LNPEP: variants seen among roughly 807,000 people sequenced by gnomAD.
The protein encoded by LNPEP is leucyl and cystinyl aminopeptidase.
Under a neutral mutation model 120.6 loss-of-function variants are expected in LNPEP, and 64 were observed. The ratio of observed to expected loss-of-function variants is 0.53; its 90% CI spans 0.43 to 0.65. LNPEP has a LOEUF of 0.65. Ranked by LOEUF, LNPEP falls within the 30% of genes least tolerant of loss-of-function variation. The pLI, the probability that LNPEP is intolerant of heterozygous loss-of-function variation, is 0.00. For synonymous variants in LNPEP, 435 were observed against 425.4 expected (o/e 1.02, Z -0.28); for missense variants, 1,057 against 1,200.0 (o/e 0.88, Z 1.76).
At chr5:97,014,551 A>G (rs186333787) in intron 12 of LNPEP, among the ~76,000 whole-genome samples, 109 of 147,178 alleles carry the variant, frequency 7.4e-4, no homozygotes, top group African/African-American at 2.9e-3. Flanking sequence ...AAACCAACAA[A>G]TAAAATTAAA....
At chr5:96,954,346 CT>C (rs1789389330) in intron 1 of LNPEP, among the ~76,000 whole-genome samples, 1 of 152,082 alleles carries the variant, frequency 6.6e-6, no homozygotes, top group Non-Finnish European at 1.5e-5. Context: ...GAAATACTTA[CT>C]GACATTATAG....
rs762636419 is a variant in LNPEP, at chr5:96,997,996, C to A, written c.1522-18C>A. 2 of 1,513,570 alleles carry A rather than the reference C, an allele frequency of 1.3e-6. No homozygotes were observed. Among genetic ancestry groups the A allele is most frequent in the East Asian group, 4.6e-5 (2 of 43,218 alleles). 93.8% of individuals were successfully genotyped at this position (1,513,570 alleles called of 1,614,324 possible). A position where few individuals can be genotyped will look rare whatever the true frequency, so the allele number is the denominator to read the frequency against. On this transcript the variant is annotated intron_variant, in intron 7 of 17. Coordinates refer to ENST00000231368, the MANE Select transcript of LNPEP (RefSeq NM_005575.3). ...TTGATACTACTTGTGATATTCTAAT[C>A]TTTTCATTTTTTGACAGTATGAAGA...
intron 7 of LNPEP, among the ~76,000 whole-genome samples, chr5:96,997,608 A>G (rs1790545299): frequency 6.6e-6 from 1 of 152,114 alleles, no homozygotes; most frequent in Non-Finnish European, 1.5e-5. Flanking sequence ...ATTCTAGACT[A>G]TATATAAGAA....
At chr5:97,008,820 A>G (rs1340568437) in intron 11 of LNPEP, among the ~76,000 whole-genome samples, 2 of 151,670 alleles carry the variant, frequency 1.3e-5, no homozygotes, top group Non-Finnish European at 2.9e-5. Flanking sequence ...GCCTGCCACC[A>G]TGCCCGGCTA....
chr5:96,952,020 G>T (rs1187551775), intron 1 of LNPEP, among the ~76,000 whole-genome samples: 5 of 151,582 alleles, frequency 3.3e-5, no homozygotes, highest in Admixed American at 3.3e-4. Flanking sequence ...TTTTTTTATC[G>T]AGGACCCCTA....
intron 1 of LNPEP, among the ~76,000 whole-genome samples, chr5:96,948,297 T>C (rs984018198): frequency 1.1e-4 from 17 of 152,252 alleles, no homozygotes; most frequent in African/African-American, 3.6e-4. Flanking sequence ...TTTATATTTT[T>C]AGTGGAGACA....
rs192456637 is a variant in LNPEP, at chr5:96,948,964, A to C, written c.19+12790A>C. ...CTTAAGGATATTACCAGAATATCTT[A>C]ATATCTTTAGTTAAAAACCTAAAAT... On this transcript the variant is annotated intron_variant, in intron 1 of 17. Transcript: ENST00000231368. Among the ~76,000 whole-genome samples, 471 of 152,354 alleles carry C rather than the reference A, an allele frequency of 3.1e-3. 6 individuals are homozygous for C. The highest frequency in any genetic ancestry group is 0.022 in the Admixed American group (334 of 15,300).
At chr5:96,977,890 A>G (rs1196121466) in intron 1 of LNPEP, among the ~76,000 whole-genome samples, 2 of 152,208 alleles carry the variant, frequency 1.3e-5, no homozygotes, top group African/African-American at 4.8e-5. Flanking sequence ...GGGATGCAAT[A>G]TAATGAAAAG....
Position 96,936,084 on chromosome 5 carries a change from A to T in LNPEP, c.-72A>T, listed in dbSNP as rs553843562. On this transcript the variant is annotated 5_prime_UTR_variant, in exon 1 of 18. Coordinates refer to ENST00000231368, the MANE Select transcript of LNPEP (RefSeq NM_005575.3). Reference sequence around the variant, plus strand: ...GAGGCCGCGCTGGGCATGCTCAGTCAGCTGGGCCGCCTCAGCTCTCGGAGT... The same window carrying T: ...GAGGCCGCGCTGGGCATGCTCAGTCTGCTGGGCCGCCTCAGCTCTCGGAGT... The T allele has an allele frequency of 2.1e-5, 31 of 1,497,824 alleles. No individual in the cohort carries two copies. In the South Asian group the frequency reaches 3.5e-4, roughly 17 times the overall value. 92.8% of individuals were successfully genotyped at this position (1,497,824 alleles called of 1,614,324 possible). A position where few individuals can be genotyped will look rare whatever the true frequency, so the allele number is the denominator to read the frequency against.
intron 1 of LNPEP, among the ~76,000 whole-genome samples, chr5:96,948,421 A>G (rs1291659545): frequency 6.6e-6 from 1 of 152,206 alleles, no homozygotes. Context: ...CCCAGCCCAG[A>G]TTCTTCTTGC....
At chr5:96,951,154 A>G (rs1189076317) in intron 1 of LNPEP, among the ~76,000 whole-genome samples, 1 of 151,584 alleles carries the variant, frequency 6.6e-6, no homozygotes, top group Admixed American at 6.6e-5. Flanking sequence ...CACCAATCCT[A>G]TTGGATTAGG....
At chr5:96,977,944 T>C (rs938282403) in intron 1 of LNPEP, among the ~76,000 whole-genome samples, 1 of 152,188 alleles carries the variant, frequency 6.6e-6, no homozygotes, top group East Asian at 1.9e-4. Context: ...TGCTTTAATA[T>C]CAGTTTTATG....
chr5:96,999,788 A>C (rs181372514), intron 8 of LNPEP, among the ~76,000 whole-genome samples: 136 of 151,990 alleles, frequency 8.9e-4, no homozygotes, highest in African/African-American at 3.2e-3. Context: ...TACTTGTTTC[A>C]GAATTGGGAA....
Position 96,988,722 on chromosome 5 carries a change from C to T in LNPEP, c.1131+2052C>T, listed in dbSNP as rs148970034. The stretch of plus-strand genomic sequence containing the variant: ...AGTTCTGGGCTCAAGTGATTCTCTC[C>T]CAAGTCATTGGGACTACAGACAGGC... On this transcript the variant is annotated intron_variant, in intron 4 of 17. Transcript: ENST00000231368. Among the ~76,000 whole-genome samples, 18 of 152,072 alleles carry T rather than the reference C, an allele frequency of 1.2e-4. No individual in the cohort carries two copies. The East Asian group carries it at 3.5e-3, about 30-fold the overall frequency.
chr5:96,940,721 GA>G (rs1218452038), intron 1 of LNPEP, among the ~76,000 whole-genome samples: 4 of 152,182 alleles, frequency 2.6e-5, no homozygotes, highest in Non-Finnish European at 2.9e-5. Flanking sequence ...ATTGAGATTT[GA>G]AAGAGTTTAG....
intron 1 of LNPEP, among the ~76,000 whole-genome samples, chr5:96,951,265 C>CGG (rs56303012): frequency 1.3e-5 from 2 of 149,158 alleles, no homozygotes; most frequent in African/African-American, 5.0e-5. Flanking sequence ...CTTTTTTTGG[C>CGG]GGGGGGCGCG....
Position 96,979,696 on chromosome 5 carries a change from C to G in LNPEP, c.578C>G (p.Ser193Cys). The change falls in exon 2 of 18, where the codon TCT (serine) becomes TGT (cysteine). Residue 193 changes from serine (S) to cysteine (C), a missense_variant. Coordinates refer to ENST00000231368, the MANE Select transcript of LNPEP (RefSeq NM_005575.3). Reference sequence around the variant, plus strand: ...CTAACCTCGATGACATTCAGGGGTTCTGTGACAATTTCAGTTCAGGCTCTT... The same window carrying G: ...CTAACCTCGATGACATTCAGGGGTTGTGTGACAATTTCAGTTCAGGCTCTT... ...PNLTSMTFRGSVTISVQALQV... is the reference protein window; with the variant it reads ...PNLTSMTFRGCVTISVQALQV... 1.9e-6 allele frequency: 3 copies of G among 1,614,068 alleles called. No homozygotes were observed. In the South Asian group the frequency reaches 3.3e-5, roughly 18 times the overall value.
intron 1 of LNPEP, among the ~76,000 whole-genome samples, chr5:96,961,001 TAA>T (rs1411716998): frequency 6.6e-6 from 1 of 152,196 alleles, no homozygotes; most frequent in Non-Finnish European, 1.5e-5. Flanking sequence ...GGTTTGGTCT[TAA>T]AGTTTTGAGA....
chr5:97,028,478 A>G lies in LNPEP; in HGVS notation c.3023A>G (p.Gln1008Arg), dbSNP rs1473744901. 1.2e-6 allele frequency: 2 copies of G among 1,613,982 alleles called. No individual in the cohort carries two copies. The highest frequency in any genetic ancestry group is 1.1e-5 in the South Asian group (1 of 91,078). ...GTCCAGGAGGCTTTGGAAGTCATTC[A>G]GTTGAATATCCAGTGGATGGAGAAG... ...RCVQEALEVIQLNIQWMEKNL... is the reference protein window; with the variant it reads ...RCVQEALEVIRLNIQWMEKNL... The change falls in exon 18 of 18, where the codon CAG becomes CGG. Residue 1008 changes from glutamine to arginine, a missense_variant. By Grantham distance (43) the Gln-to-Arg change is conservative. Transcript: ENST00000231368.
Sources: allele counts gnomAD v4.1 joint callset (sites outside exome capture counted in the v4.1 genomes callset), GRCh38; gene constraint gnomAD v4.1.1; transcripts MANE v1.5; gene names NCBI Gene and HGNC (gene_info 2026-07-23, HGNC 2026-07-21).